MICU2: variants seen among roughly 807,000 people sequenced by gnomAD.
The protein encoded by MICU2 is calcium uptake protein 2, mitochondrial.
A neutral mutation model predicts 60.4 loss-of-function variants in MICU2; 64 were observed. That is an observed-to-expected ratio of 1.06 (90% CI 0.87 to 1.31). The LOEUF (loss-of-function observed/expected upper bound fraction) is 1.31, where lower values mean the gene tolerates loss of function less well. MICU2 is among the 50% of genes most tolerant of loss of function. The pLI, the probability that MICU2 is intolerant of heterozygous loss-of-function variation, is 0.00. For synonymous variants in MICU2, 201 were observed against 175.0 expected (o/e 1.15, Z -1.17); for missense variants, 569 against 531.0 (o/e 1.07, Z -0.70).
chr13:21,514,500 G>A (rs751774697), intron 6 of MICU2, 82 bp from the exon 7 acceptor site: 17 of 938,418 alleles, frequency 1.8e-5, no homozygotes, highest in Non-Finnish European at 2.9e-5. Context: ...CCAACTTATT[G>A]TTATAAAATA....
At chr13:21,507,192 T>C (rs1434795146) in intron 8 of MICU2, among the ~76,000 whole-genome samples, 3 of 152,198 alleles carry the variant, frequency 2.0e-5, no homozygotes, top group Non-Finnish European at 4.4e-5. Context: ...ATGACAAATT[T>C]CACAGTGCCC....
intron 4 of MICU2, chr13:21,530,619 A>G (rs1427760158): frequency 7.5e-6 from 2 of 265,346 alleles, no homozygotes; most frequent in Non-Finnish European, 1.4e-5. Flanking sequence ...CTTGATAGTT[A>G]GAAAGATTAT....
At chr13:21,554,096 C>A (rs1344755605) in intron 2 of MICU2, among the ~76,000 whole-genome samples, 1 of 152,160 alleles carries the variant, frequency 6.6e-6, no homozygotes, top group South Asian at 2.1e-4. Flanking sequence ...GACTTTAACA[C>A]CCCACTGTCA....
chr13:21,562,264 C>T (rs1478951120), intron 2 of MICU2, among the ~76,000 whole-genome samples: 1 of 152,028 alleles, frequency 6.6e-6, no homozygotes, highest in African/African-American at 2.4e-5. Flanking sequence ...ATTTCTAGTT[C>T]TAGATCTCTG....
At chr13:21,573,384 C>T (rs1269660853) in intron 1 of MICU2, among the ~76,000 whole-genome samples, 4 of 152,150 alleles carry the variant, frequency 2.6e-5, no homozygotes, top group African/African-American at 9.7e-5. Flanking sequence ...TGCCATTCTC[C>T]TCCTCAGCCT....
intron 2 of MICU2, among the ~76,000 whole-genome samples, chr13:21,555,398 A>G (rs1392877466): frequency 2.6e-5 from 4 of 152,198 alleles, no homozygotes; most frequent in Admixed American, 1.3e-4. Flanking sequence ...TCCAGCATAT[A>G]AACAGAACCA....
At chr13:21,561,888 A>T (rs1887853969) in intron 2 of MICU2, among the ~76,000 whole-genome samples, 1 of 105,806 alleles carries the variant, frequency 9.5e-6, no homozygotes, top group African/African-American at 3.8e-5. Flanking sequence ...CAGTCCCCAG[A>T]GTGTGATGTT....
intron 7 of MICU2, among the ~76,000 whole-genome samples, chr13:21,511,683 G>T (rs1162681401): frequency 6.6e-6 from 1 of 151,714 alleles, no homozygotes; most frequent in Admixed American, 6.6e-5. Flanking sequence ...AGCTACACCA[G>T]CTTTCCTCCT....
intron 2 of MICU2, among the ~76,000 whole-genome samples, chr13:21,556,874 A>T (rs754498516): frequency 1.3e-5 from 2 of 152,226 alleles, no homozygotes; most frequent in Non-Finnish European, 2.9e-5. Flanking sequence ...ATTCATGTGT[A>T]AAATGATTGG....
At chr13:21,596,774 G>A (rs914477913) in intron 1 of MICU2, among the ~76,000 whole-genome samples, 22 of 152,122 alleles carry the variant, frequency 1.4e-4, no homozygotes, top group Non-Finnish European at 1.5e-4. Context: ...CACATAGTAT[G>A]TAAACCAAAG....
chr13:21,525,181 A>ATTTT lies in MICU2; in HGVS notation c.467-2535_467-2532dup, dbSNP rs71093324. Among the ~76,000 whole-genome samples the ATTTT allele has an allele frequency of 2.1e-3, 173 of 83,304 alleles. 18 individuals carry two copies. Among genetic ancestry groups the ATTTT allele is most frequent in the African/African-American group, 3.6e-3 (69 of 19,404 alleles). The allele number at this position is 83,304 out of a possible 152,430, so 54.7% of individuals were successfully genotyped here. ...TCATACAGTAATGCTGTGTAATTCA[A>ATTTT]TTTTTTTTTTTTTTTTTTTTTTTTT... On this transcript the variant is annotated intron_variant, in intron 4 of 11. Transcript: ENST00000382374.
chr13:21,511,610 A>T (rs973306118), intron 7 of MICU2, among the ~76,000 whole-genome samples: 2 of 152,230 alleles, frequency 1.3e-5, no homozygotes, highest in African/African-American at 4.8e-5. Context: ...GAAATATCAC[A>T]ACTTGACACA....
intron 4 of MICU2, among the ~76,000 whole-genome samples, chr13:21,526,912 C>A (rs1337251171): frequency 6.6e-6 from 1 of 152,012 alleles, no homozygotes; most frequent in Non-Finnish European, 1.5e-5. Flanking sequence ...GACAACATAC[C>A]CTAATGACTC....
chr13:21,572,490 T>TA (rs1367550715), intron 1 of MICU2, among the ~76,000 whole-genome samples: 1 of 152,218 alleles, frequency 6.6e-6, no homozygotes, highest in Admixed American at 6.5e-5. Context: ...TTTCTCTTTG[T>TA]ACTTCCCCTG....
chr13:21,539,642 C>A lies in MICU2; in HGVS notation c.390+15G>T, dbSNP rs1593334023. The A allele has an allele frequency of 1.2e-6, 2 of 1,614,104 alleles. No individual in the cohort carries two copies. Among genetic ancestry groups the A allele is most frequent in the South Asian group, 1.1e-5 (1 of 91,080 alleles). On this transcript the variant is annotated intron_variant, in intron 3 of 11. Coordinates refer to ENST00000382374, the MANE Select transcript of MICU2 (RefSeq NM_152726.3). The stretch of plus-strand genomic sequence containing the variant: ...TACCAAAAACAAACCCTGCCCCCCA[C>A]AACATGATGCTTACCTTTTTTGTCA...
chr13:21,602,910 C>G (rs530450953), intron 1 of MICU2: 4 of 152,020 alleles, frequency 2.6e-5, no homozygotes, highest in Non-Finnish European at 5.9e-5. Context: ...TAAAGCACTA[C>G]TCATTCAAAT....
chr13:21,509,194 T>C (rs11616297), intron 8 of MICU2, among the ~76,000 whole-genome samples: 9,203 of 152,324 alleles, frequency 0.06, 387 homozygotes, highest in Non-Finnish European at 0.095. Flanking sequence ...ATGCATGGCA[T>C]TATTATCATT....
At chr13:21,594,456 G>A (rs1476032468) in intron 1 of MICU2, among the ~76,000 whole-genome samples, 1 of 152,230 alleles carries the variant, frequency 6.6e-6, no homozygotes, top group Non-Finnish European at 1.5e-5. Flanking sequence ...TTCAACTATT[G>A]TGGAAGACAG....
intron 6 of MICU2, among the ~76,000 whole-genome samples, chr13:21,517,956 T>A (rs1419539549): frequency 6.6e-6 from 1 of 152,222 alleles, no homozygotes; most frequent in East Asian, 1.9e-4. Flanking sequence ...CTATGGGTAA[T>A]CAACTTTAGT....
Sources: allele counts gnomAD v4.1 joint callset (sites outside exome capture counted in the v4.1 genomes callset), GRCh38; gene constraint gnomAD v4.1.1; transcripts MANE v1.5; gene names NCBI Gene and HGNC (gene_info 2026-07-23, HGNC 2026-07-21).